The following CFAP61 variants were observed in gnomAD, a reference collection of about 807,000 sequenced individuals.
CFAP61 encodes the protein cilia- and flagella-associated protein 61.
Under a neutral mutation model 135.6 loss-of-function variants are expected in CFAP61, and 107 were observed. The observed-to-expected ratio is 0.79, with a 90% confidence interval of 0.67 to 0.93. The LOEUF is 0.93. Among genes scored for constraint, CFAP61 ranks in the 40% least tolerant of loss-of-function variants. The pLI is 0.00. For synonymous variants in CFAP61, 575 were observed against 578.5 expected (o/e 0.99, Z 0.09); for missense variants, 1,507 against 1,556.2 (o/e 0.97, Z 0.53).
chr20:20,091,596 A>G (rs888955258), intron 7 of CFAP61, among the ~76,000 whole-genome samples: 2 of 152,068 alleles, frequency 1.3e-5, no homozygotes, highest in Non-Finnish European at 2.9e-5. Flanking sequence ...TTCAATGTAT[A>G]TTTCCTAAAA....
chr20:20,196,225 G>C (rs1272195916), intron 15 of CFAP61, among the ~76,000 whole-genome samples: 1 of 152,154 alleles, frequency 6.6e-6, no homozygotes, highest in African/African-American at 2.4e-5. Flanking sequence ...GTGCTGACTG[G>C]CTTGTGCTCA....
chr20:20,256,564 A>G (rs1261825210), intron 20 of CFAP61, among the ~76,000 whole-genome samples: 1 of 152,210 alleles, frequency 6.6e-6, no homozygotes, highest in Non-Finnish European at 1.5e-5. Flanking sequence ...GGTGAATAAG[A>G]AAAAATTAAA....
At chr20:20,317,763 G>T (rs572994060) in intron 25 of CFAP61, among the ~76,000 whole-genome samples, 11 of 152,136 alleles carry the variant, frequency 7.2e-5, no homozygotes, top group Non-Finnish European at 4.4e-5. Context: ...GCGCAGTCAC[G>T]CTGGGATCCC....
intron 17 of CFAP61, among the ~76,000 whole-genome samples, chr20:20,204,200 T>C (rs1366815642): frequency 6.6e-6 from 1 of 152,228 alleles, no homozygotes; most frequent in Admixed American, 6.5e-5. Flanking sequence ...TCATCCTTCC[T>C]GAGCAATCAT....
intron 21 of CFAP61, among the ~76,000 whole-genome samples, chr20:20,269,146 T>TATATACACAC (rs1419572825): frequency 1.2e-5 from 1 of 85,598 alleles, no homozygotes; most frequent in African/African-American, 4.0e-5. Flanking sequence ...TATATATATA[T>TATATACACAC]ACACACACAC....
At chr20:20,079,876 T>C (rs1029041962) in intron 6 of CFAP61, among the ~76,000 whole-genome samples, 7 of 152,170 alleles carry the variant, frequency 4.6e-5, no homozygotes, top group Admixed American at 6.5e-5. Context: ...TCTTTCAAAT[T>C]TTTATTCCTG....
intron 26 of CFAP61, among the ~76,000 whole-genome samples, chr20:20,342,868 GT>G (rs11481658): frequency 1.8e-4 from 27 of 147,904 alleles, no homozygotes; most frequent in Non-Finnish European, 2.7e-4. Context: ...TTCTGTTTTT[GT>G]TTTTTTTTTG....
chr20:20,217,203 A>G (rs568260472), intron 17 of CFAP61, among the ~76,000 whole-genome samples: 1 of 152,356 alleles, frequency 6.6e-6, no homozygotes, highest in African/African-American at 2.4e-5. Context: ...ACAAAAGCCC[A>G]GCGAGCCTTT....
intron 9 of CFAP61, among the ~76,000 whole-genome samples, chr20:20,154,164 G>A (rs112160491): frequency 0.022 from 3,325 of 151,950 alleles, 123 homozygotes; most frequent in African/African-American, 0.076. Context: ...CATTCCTGTA[G>A]GATTAAAACC....
chr20:20,208,498 C>A (rs923145732), intron 17 of CFAP61, among the ~76,000 whole-genome samples: 1 of 152,220 alleles, frequency 6.6e-6, no homozygotes, highest in African/African-American at 2.4e-5. Flanking sequence ...ATGGGGAGGG[C>A]CTCTTGTCTC....
chr20:20,140,349 C>T (rs1191573109), intron 8 of CFAP61, among the ~76,000 whole-genome samples: 1 of 146,500 alleles, frequency 6.8e-6, no homozygotes, highest in Non-Finnish European at 1.5e-5. Flanking sequence ...CCACCTCCCC[C>T]CACCCCACAA....
intron 2 of CFAP61, among the ~76,000 whole-genome samples, chr20:20,067,736 T>TTATATATAATATATATTTATATTATTA (rs1185239355): frequency 6.2e-5 from 9 of 145,512 alleles, no homozygotes; most frequent in Non-Finnish European, 1.2e-4. Flanking sequence ...TCATATTATT[T>TTATATATAATATATATTTATATTATTA]TATATATAAT....
intron 26 of CFAP61, among the ~76,000 whole-genome samples, chr20:20,358,354 T>G (rs115860995): frequency 6.6e-6 from 1 of 152,184 alleles, no homozygotes; most frequent in African/African-American, 2.4e-5. Flanking sequence ...AAAATCTGTT[T>G]ATAATCTAGA....
intron 17 of CFAP61, among the ~76,000 whole-genome samples, chr20:20,206,783 G>T (rs944826376): frequency 1.3e-5 from 2 of 151,980 alleles, no homozygotes; most frequent in African/African-American, 4.8e-5. Context: ...CATTTGGGGG[G>T]CGGTGTCTAT....
At chr20:20,081,455 CA>C (rs1243138275) in intron 6 of CFAP61, among the ~76,000 whole-genome samples, 1 of 152,098 alleles carries the variant, frequency 6.6e-6, no homozygotes, top group African/African-American at 2.4e-5. Context: ...AGAAGCAGCC[CA>C]TTCAAAAATT....
At chr20:20,096,565 G>A (rs1289379821) in intron 7 of CFAP61, among the ~76,000 whole-genome samples, 1 of 152,230 alleles carries the variant, frequency 6.6e-6, no homozygotes, top group East Asian at 1.9e-4. Context: ...GCCAGCAAAA[G>A]GTATTTCAGG....
At chr20:20,104,410 A>G (rs2048236560) in intron 8 of CFAP61, among the ~76,000 whole-genome samples, 1 of 152,186 alleles carries the variant, frequency 6.6e-6, no homozygotes, top group Admixed American at 6.5e-5. Context: ...TGTCGGAGCT[A>G]AAAAACAATG....
At chr20:20,315,060 G>A (rs1316753124) in intron 25 of CFAP61, among the ~76,000 whole-genome samples, 31 of 134,958 alleles carry the variant, frequency 2.3e-4, no homozygotes, top group African/African-American at 8.8e-4. Flanking sequence ...CCAGTAATGG[G>A]ATGGCTGGGT....
chr20:20,302,489 G>A (rs113181852), intron 25 of CFAP61, among the ~76,000 whole-genome samples: 2 of 151,898 alleles, frequency 1.3e-5, no homozygotes, highest in Non-Finnish European at 2.9e-5. Context: ...TGGGGAAAAC[G>A]CATCTCTACT....
Sources: allele counts gnomAD v4.1 joint callset (sites outside exome capture counted in the v4.1 genomes callset), GRCh38; gene constraint gnomAD v4.1.1; transcripts MANE v1.5; gene names NCBI Gene and HGNC (gene_info 2026-07-23, HGNC 2026-07-21).